The following DNAI2 variants were observed in gnomAD, a reference collection of about 807,000 sequenced individuals.
DNAI2 encodes dynein axonemal intermediate chain 2.
In DNAI2, 63 loss-of-function variants were observed where a neutral mutation model predicts 74.7. The ratio of observed to expected loss-of-function variants is 0.84; its 90% CI spans 0.69 to 1.04. The LOEUF is 1.04. DNAI2 is among the 50% of genes least tolerant of loss of function. The pLI is 0.00. For missense variants in DNAI2, 688 were observed against 803.2 expected, an observed-to-expected ratio of 0.86 and a Z score of 1.73; for synonymous variants, 289 against 314.9, an observed-to-expected ratio of 0.92 and a Z score of 0.87.
intron 4 of DNAI2, among the ~76,000 whole-genome samples, chr17:74,288,873 C>G (rs1010737219): frequency 6.6e-6 from 1 of 152,062 alleles, no homozygotes; most frequent in Non-Finnish European, 1.5e-5. Context: ...TGGGGAAATG[C>G]GGAGGGGAAG....
intron 6 of DNAI2, among the ~76,000 whole-genome samples, chr17:74,295,221 C>T (rs1264721439): frequency 9.2e-6 from 1 of 108,370 alleles, no homozygotes; most frequent in Admixed American, 1.1e-4. Flanking sequence ...ATGGTCAAAC[C>T]CCATCTCTAC....
chr17:74,314,877 C>T lies in DNAI2; in HGVS notation c.*344C>T. 6.0e-6 allele frequency: 1 copy of T among 167,808 alleles called. No homozygotes were observed. Among genetic ancestry groups the T allele is most frequent in the South Asian group, 1.4e-4 (1 of 7,098 alleles). 10.4% of individuals were successfully genotyped at this position (167,808 alleles called of 1,614,324 possible). On this transcript the variant is annotated 3_prime_UTR_variant, in exon 14 of 14. Coordinates refer to ENST00000311014, the MANE Select transcript of DNAI2 (RefSeq NM_023036.6). ...TCTTGTAAAATTAAATGAATCGTAA[C>T]AATGCCACGAGTTAGTACGTGTGAT...
chr17:74,309,432 C>A (rs1298583467), intron 10 of DNAI2, 44 bp downstream of exon 10: 1 of 1,613,530 alleles, frequency 6.2e-7, no homozygotes, highest in African/African-American at 1.3e-5. Flanking sequence ...CCTCAGGGAG[C>A]CAGGTCCCGG....
At position 74,291,167 on chromosome 17, in the gene DNAI2, T is replaced by C. The variant is rs894418957; in HGVS notation, c.724+34T>C. 14 of 1,518,814 alleles carry C rather than the reference T, an allele frequency of 9.2e-6. No individual in the cohort carries two copies. In the African/African-American group the frequency reaches 1.9e-4, roughly 21 times the overall value. 94.1% of individuals were successfully genotyped at this position (1,518,814 alleles called of 1,614,324 possible). On this transcript the variant is annotated intron_variant, in intron 6 of 13. Coordinates refer to ENST00000311014, the MANE Select transcript of DNAI2 (RefSeq NM_023036.6). ...GGACCTAGGCTTTTTTATTTTTATTTTTATTTTTTTTAGATGGAATTTTGC... is the reference window on the plus strand; with the variant it reads ...GGACCTAGGCTTTTTTATTTTTATTCTTATTTTTTTTAGATGGAATTTTGC...
At chr17:74,289,347 TA>T (rs1310155640) in intron 4 of DNAI2, among the ~76,000 whole-genome samples, 3 of 152,120 alleles carry the variant, frequency 2.0e-5, no homozygotes, top group African/African-American at 7.2e-5. Flanking sequence ...GGAAACATGG[TA>T]AAAACCTGTC....
At chr17:74,286,570 G>A (rs2143916476) in intron 3 of DNAI2, among the ~76,000 whole-genome samples, 1 of 151,980 alleles carries the variant, frequency 6.6e-6, no homozygotes, top group African/African-American at 2.4e-5. Flanking sequence ...ACAGGCGGCT[G>A]CCACCATGCC....
At chr17:74,282,370 G>A (rs1315122966) in intron 2 of DNAI2, among the ~76,000 whole-genome samples, 3 of 151,916 alleles carry the variant, frequency 2.0e-5, no homozygotes, top group Non-Finnish European at 4.4e-5. Context: ...GTACAAACTC[G>A]ACTTACTGCA....
At position 74,310,050 on chromosome 17, in the gene DNAI2, C is replaced by T. The variant is rs1291367993; in HGVS notation, c.1381C>T (p.Gln461Ter). 6.2e-7 allele frequency: 1 copy of T among 1,613,812 alleles called. No homozygotes were observed. Among genetic ancestry groups the T allele is most frequent in the Non-Finnish European group, 8.5e-7 (1 of 1,180,040 alleles). ...CDEALFCLRV[Q>*]DNGCLIACGS... Reference sequence around the variant, plus strand: ...CGAGGCCCTCTTCTGCCTCCGGGTGCAGGACAATGGGTGTCTCATCGCCTG... The same window carrying T: ...CGAGGCCCTCTTCTGCCTCCGGGTGTAGGACAATGGGTGTCTCATCGCCTG... Residue 461 changes from glutamine (Q) to a stop codon, truncating the protein, a stop_gained, in exon 11 of 14, where the codon CAG (glutamine) becomes TAG (stop). Coordinates refer to ENST00000311014, the MANE Select transcript of DNAI2 (RefSeq NM_023036.6). LOFTEE classifies it high-confidence loss of function.
rs564585302 is a variant in DNAI2 at position 74,313,836 on chromosome 17, AG to A, written c.1723-280del. 494 of 458,402 alleles carry A rather than the reference AG, an allele frequency of 1.1e-3. 2 individuals carry two copies. The highest frequency in any genetic ancestry group is 8.9e-3 in the African/African-American group (449 of 50,452). 28.4% of individuals were successfully genotyped at this position (458,402 alleles called of 1,614,324 possible). ...AGGTGTCCTGTCCTCTCTATGGGTG[AG>A]GGGGCCAAGGAGACTCAGGAGGAGC... On this transcript the variant is annotated intron_variant, in intron 12 of 13. Coordinates refer to ENST00000311014, the MANE Select transcript of DNAI2 (RefSeq NM_023036.6).
intron 6 of DNAI2, among the ~76,000 whole-genome samples, chr17:74,291,384 G>C (rs183770866): frequency 6.6e-6 from 1 of 152,006 alleles, no homozygotes; most frequent in South Asian, 2.1e-4. Flanking sequence ...GGCTGGTCTC[G>C]CACTCCTGAC....
At position 74,305,365 on chromosome 17, in the gene DNAI2, G is replaced by A. The variant is rs1320504737; in HGVS notation, c.1134G>A (p.Lys378=). Residue 378 remains lysine, a synonymous_variant, in exon 9 of 14, where the codon AAG becomes AAA. Coordinates refer to ENST00000311014, the MANE Select transcript of DNAI2 (RefSeq NM_023036.6). ...TCCAGAGAAACCCCTTCTACCCGAA[G>A]AACTTCCTGACGGTTGGCGACTGGA... The part of the protein sequence containing the change: ...YALQRNPFYP[K]NFLTVGDWTA... 6.2e-7 allele frequency: 1 copy of A among 1,614,182 alleles called. No homozygotes were observed. The highest frequency in any genetic ancestry group is 8.5e-7 in the Non-Finnish European group (1 of 1,180,042).
At position 74,281,892 on chromosome 17, in the gene DNAI2, C is replaced by A. The variant is rs749172812; in HGVS notation, c.75C>A (p.Ala25=). Residue 25 remains alanine, a synonymous_variant, in exon 2 of 14, where the codon GCC becomes GCA. Transcript: ENST00000311014. ...GKQCNFSDRQ[A]ELNIDIMPNP... ...AGTGCAATTTCTCGGACCGCCAGGCCGAGCTGAACATCGACATCATGCCCA... is the reference window on the plus strand; with the variant it reads ...AGTGCAATTTCTCGGACCGCCAGGCAGAGCTGAACATCGACATCATGCCCA... 6.2e-7 allele frequency: 1 copy of A among 1,614,124 alleles called. No individual in the cohort carries two copies. Among genetic ancestry groups the A allele is most frequent in the Non-Finnish European group, 8.5e-7 (1 of 1,180,034 alleles).
At chr17:74,301,917 AGG>A (rs1277198958) in intron 8 of DNAI2, among the ~76,000 whole-genome samples, 9 of 16,574 alleles carry the variant, frequency 5.4e-4, no homozygotes, top group Non-Finnish European at 7.8e-4. Flanking sequence ...GAAAGAAGGA[AGG>A]AAGGAAGGAA....
chr17:74,277,249 T>C (rs1291842575), intron 1 of DNAI2, among the ~76,000 whole-genome samples: 1 of 151,930 alleles, frequency 6.6e-6, no homozygotes. Context: ...TAGCCGCGAA[T>C]GGTGGCATGT....
rs1484503049 is a variant in DNAI2, at chr17:74,314,114, C to T, written c.1723-7C>T. On this transcript the variant is annotated splice_polypyrimidine_tract_variant and splice_region_variant and intron_variant, in intron 12 of 13. Coordinates refer to ENST00000311014, the MANE Select transcript of DNAI2 (RefSeq NM_023036.6). Reference sequence around the variant, plus strand: ...CACCAACACTTCTGTGCTGTCTTCCCCTGCAGCAGCAACCAAGTCCAGAAG... The same window carrying T: ...CACCAACACTTCTGTGCTGTCTTCCTCTGCAGCAGCAACCAAGTCCAGAAG... The T allele has an allele frequency of 6.2e-7, 1 of 1,613,690 alleles. No individual in the cohort carries two copies. Among genetic ancestry groups the T allele is most frequent in the Non-Finnish European group, 8.5e-7 (1 of 1,179,820 alleles).
intron 9 of DNAI2, among the ~76,000 whole-genome samples, chr17:74,308,595 C>G (rs1485602310): frequency 6.6e-6 from 1 of 152,088 alleles, no homozygotes; most frequent in Non-Finnish European, 1.5e-5. Flanking sequence ...AAACATGGCT[C>G]ACTGCAGCCT....
intron 6 of DNAI2, among the ~76,000 whole-genome samples, chr17:74,296,149 C>T (rs1380230941): frequency 6.6e-6 from 1 of 152,174 alleles, no homozygotes; most frequent in Non-Finnish European, 1.5e-5. Context: ...CATGCTTCAG[C>T]TTTTCCTTTT....
chr17:74,283,770 C>T (rs932114023), intron 2 of DNAI2, among the ~76,000 whole-genome samples: 8 of 151,486 alleles, frequency 5.3e-5, no homozygotes, highest in Non-Finnish European at 1.2e-4. Flanking sequence ...AAATTAGCCA[C>T]GTGTGGTGGT....
At chr17:74,309,168 C>A in intron 9 of DNAI2, 85 bp from the exon 10 acceptor site, 1 of 1,497,126 alleles carries the variant, frequency 6.7e-7, no homozygotes, top group Non-Finnish European at 9.2e-7. Flanking sequence ...CTCTGAGATC[C>A]TGGAGCCCAG....
Sources: gnomAD v4.1 joint callset for allele counts (sites outside exome capture counted in the v4.1 genomes callset) on GRCh38, gnomAD v4.1.1 for gene constraint, MANE v1.5 for transcripts, NCBI Gene and HGNC (gene_info 2026-07-23, HGNC 2026-07-21) for gene names.